The following ADNP variants were observed in gnomAD, a reference collection of about 807,000 sequenced individuals.
The protein encoded by ADNP is activity-dependent neuroprotector homeobox protein.
ADNP carries 4 observed loss-of-function variants against 84.9 expected under a neutral mutation model. That is an observed-to-expected ratio of 0.05 (90% CI 0.02 to 0.11). The LOEUF (loss-of-function observed/expected upper bound fraction) is 0.11. ADNP is among the 10% of genes least tolerant of loss of function. The pLI, the probability that ADNP is intolerant of heterozygous loss-of-function variation, is 1.00. For synonymous variants in ADNP, 554 were observed against 468.1 expected, an observed-to-expected ratio of 1.18 and a Z score of -2.37; for missense variants, 1,132 against 1,326.0, an observed-to-expected ratio of 0.85 and a Z score of 2.27.
chr20:50,892,951 G>T lies in ADNP; in HGVS notation c.1763C>A (p.Pro588Gln). The T allele has an allele frequency of 6.2e-7, 1 of 1,614,222 alleles. No homozygotes were observed. Among genetic ancestry groups the T allele is most frequent in the East Asian group, 2.2e-5 (1 of 44,884 alleles). ...SVAYHAQNNP[P>Q]VPPKPQPKVQ... ...CTTTGGCTGTGGCTTTGGAGGAACT[G>T]GAGGATTATTTTGGGCATGGTAAGC... Residue 588 changes from proline (P) to glutamine (Q), a missense_variant, in exon 6 of 6, where the codon CCA becomes CAA. Physicochemically the swap from Pro to Gln is moderately conservative, Grantham distance 76. Around this residue, in one of 10 missense-constraint regions of ADNP, gnomAD observed 53 missense variants for 39.8 expected, o/e 1.33. Coordinates refer to ENST00000621696, the MANE Select transcript of ADNP (RefSeq NM_001282531.3).
At position 50,904,791 on chromosome 20, in the gene ADNP, G is replaced by C. The variant is rs1982313036; in HGVS notation, c.-31C>G. 1 of 152,122 alleles carries C rather than the reference G, an allele frequency of 6.6e-6. No individual in the cohort carries two copies. Among genetic ancestry groups the C allele is most frequent in the African/African-American group, 2.4e-5 (1 of 41,422 alleles). The allele number at this position is 152,122 out of a possible 1,614,324, so 9.4% of individuals were successfully genotyped here. A position where few individuals can be genotyped will look rare whatever the true frequency, so the allele number is the denominator to read the frequency against. On this transcript the variant is annotated 5_prime_UTR_variant, in exon 3 of 6. Transcript: ENST00000621696. Reference sequence around the variant, plus strand: ...CAGTTCATCATCATTACAGTTTTGAGTGCCAGGGTAAAGAGGTTTTTGTTG... The same window carrying C: ...CAGTTCATCATCATTACAGTTTTGACTGCCAGGGTAAAGAGGTTTTTGTTG...
In ADNP at chr20:50,891,461, C is replaced by G; in HGVS notation, c.3253G>C (p.Ala1085Pro). The change falls in exon 6 of 6, where the codon GCT (alanine) becomes CCT (proline). Residue 1085 changes from alanine (A) to proline (P), a missense_variant. Physicochemically the swap from Ala to Pro is conservative, Grantham distance 27. Coordinates refer to ENST00000621696, the MANE Select transcript of ADNP (RefSeq NM_001282531.3). The part of the protein sequence containing the change: ...EQFDNMTDGV[A>P]EPMHGSLAGV... The stretch of plus-strand genomic sequence containing the variant: ...GCTAAGCTGCCATGCATGGGCTCAG[C>G]TACTCCATCAGTCATGTTGTCAAAC... 6.2e-7 allele frequency: 1 copy of G among 1,612,736 alleles called. No homozygotes were observed. The highest frequency in any genetic ancestry group is 8.5e-7 in the Non-Finnish European group (1 of 1,179,934).
At chr20:50,894,837 G>C (rs943389520) in intron 5 of ADNP, among the ~76,000 whole-genome samples, 1 of 152,140 alleles carries the variant, frequency 6.6e-6, no homozygotes, top group African/African-American at 2.4e-5. Flanking sequence ...GGTGGAGGTT[G>C]CAACGAGCCG....
intron 2 of ADNP, among the ~76,000 whole-genome samples, chr20:50,908,427 C>G (rs761112451): frequency 6.6e-6 from 1 of 152,214 alleles, no homozygotes; most frequent in African/African-American, 2.4e-5. Context: ...TTTGCAGCTA[C>G]TGCTTGCTGT....
chr20:50,922,486 G>A (rs577712167), intron 2 of ADNP, among the ~76,000 whole-genome samples: 12 of 150,892 alleles, frequency 8.0e-5, no homozygotes, highest in South Asian at 2.1e-4. Flanking sequence ...AAAGAAATGC[G>A]TAAGGGCACT....
At chr20:50,909,755 G>C (rs996979199) in intron 2 of ADNP, 1 of 152,252 alleles carries the variant, frequency 6.6e-6, no homozygotes, top group African/African-American at 2.4e-5. Flanking sequence ...CAGCAGAGCA[G>C]AGTACACATG....
intron 2 of ADNP, among the ~76,000 whole-genome samples, chr20:50,920,587 T>A (rs1983893621): frequency 6.9e-6 from 1 of 144,870 alleles, no homozygotes; most frequent in Admixed American, 6.8e-5. Flanking sequence ...GGAAGTCAAT[T>A]AAGTAAAAGA....
At chr20:50,904,259 TG>T (rs1982267821) in intron 3 of ADNP, 6 of 418,794 alleles carry the variant, frequency 1.4e-5, no homozygotes, top group South Asian at 1.1e-4. Flanking sequence ...AGTGCACTCA[TG>T]GTTCATTGAC....
Position 50,892,427 on chromosome 20 carries a change from A to C in ADNP, c.2287T>G (p.Ser763Ala). ...ALDPKGHEDD[S>A]YEARKSFLTK... ...AGAAAGCTTTTCCTGGCTTCATAGG[A>C]ATCATCTTCATGACCCTTGGGGTCT... Residue 763 changes from serine to alanine, a missense_variant, in exon 6 of 6, where the codon TCC (serine) becomes GCC (alanine). Coordinates refer to ENST00000621696, the MANE Select transcript of ADNP (RefSeq NM_001282531.3). The C allele has an allele frequency of 1.2e-6, 2 of 1,614,170 alleles. No homozygotes were observed. Among genetic ancestry groups the C allele is most frequent in the Non-Finnish European group, 8.5e-7 (1 of 1,180,038 alleles).
At position 50,892,425 on chromosome 20, in the gene ADNP, G is replaced by T. The variant is rs764947581; in HGVS notation, c.2289C>A (p.Ser763=). 2 of 1,614,168 alleles carry T rather than the reference G, an allele frequency of 1.2e-6. No individual in the cohort carries two copies. The highest frequency in any genetic ancestry group is 3.3e-5 in the Admixed American group (2 of 60,022). The change falls in exon 6 of 6, where the codon TCC becomes TCA. Residue 763 remains serine (S), a synonymous_variant. Coordinates refer to ENST00000621696, the MANE Select transcript of ADNP (RefSeq NM_001282531.3). ...TTAGAAAGCTTTTCCTGGCTTCATA[G>T]GAATCATCTTCATGACCCTTGGGGT... is the stretch of plus-strand genomic sequence containing the variant. ...ALDPKGHEDD[S]YEARKSFLTK...
At position 50,893,149 on chromosome 20, in the gene ADNP, T is replaced by C; in HGVS notation, c.1565A>G (p.Asn522Ser). 3.7e-6 allele frequency: 6 copies of C among 1,614,246 alleles called. No individual in the cohort carries two copies. Among genetic ancestry groups the C allele is most frequent in the East Asian group, 2.2e-5 (1 of 44,892 alleles). The change falls in exon 6 of 6, where the codon AAT becomes AGT. Residue 522 changes from asparagine (N) to serine (S), a missense_variant. Asn to Ser is a conservative substitution (Grantham distance 46, BLOSUM62 1). Coordinates refer to ENST00000621696, the MANE Select transcript of ADNP (RefSeq NM_001282531.3). This position sits in a 1 kb window ranked among gnomAD's most constrained non-coding sequence, Gnocchi z 4.4. ...LSCPYCRSTF[N>S]DVEKMAAHMR... ...GTGTGCGGCCATCTTTTCCACATCA[T>C]TGAAAGTTGAACGGCAATATGGACA...
At position 50,893,706 on chromosome 20, in the gene ADNP, A is replaced by G; in HGVS notation, c.1008T>C (p.Ser336=). Residue 336 remains serine (S), a synonymous_variant, in exon 6 of 6, where the codon TCT becomes TCC. Coordinates refer to ENST00000621696, the MANE Select transcript of ADNP (RefSeq NM_001282531.3). This position sits in a 1 kb window ranked among gnomAD's most constrained non-coding sequence, Gnocchi z 4.4. ...HLQQNNYGVK[S]VGQGYSVGQS... ...GACCAACACTGTAACCCTGGCCTAC[A>G]GATTTGACTCCATAGTTGTTCTGCT... is the stretch of plus-strand genomic sequence containing the variant. 6.2e-6 allele frequency: 10 copies of G among 1,614,166 alleles called. No individual in the cohort carries two copies. The highest frequency in any genetic ancestry group is 8.5e-6 in the Non-Finnish European group (10 of 1,180,044).
At chr20:50,913,250 CAAAAAAAAAAAAAAAAAAAAAAAAA>C (rs56911332) in intron 2 of ADNP, among the ~76,000 whole-genome samples, 1,924 of 42,974 alleles carry the variant, frequency 0.045, 85 homozygotes, top group African/African-American at 0.14. Context: ...GACTCTGTCT[CAAAAAAAAAAAAAAAAAAAAAAAAA>C]AAAAAAAAAA....
chr20:50,890,033 C>A lies in ADNP; in HGVS notation c.*1372G>T. The stretch of plus-strand genomic sequence containing the variant: ...GCAAATTAATGCCAATCCATGTTTA[C>A]ATTTTTTTTTTTATCATTGAGACAT... On this transcript the variant is annotated 3_prime_UTR_variant, in exon 6 of 6. Transcript: ENST00000621696. The A allele has an allele frequency of 1.1e-5, 3 of 268,692 alleles. No homozygotes were observed. The highest frequency in any genetic ancestry group is 4.9e-5 in the East Asian group (1 of 20,412). 16.6% of individuals were successfully genotyped at this position (268,692 alleles called of 1,614,324 possible).
chr20:50,898,616 C>T (rs1265779449), intron 5 of ADNP, among the ~76,000 whole-genome samples: 2 of 152,240 alleles, frequency 1.3e-5, no homozygotes, highest in Non-Finnish European at 2.9e-5. Flanking sequence ...TGATTCTCCA[C>T]CTTCGTAGTC....
Position 50,890,120 on chromosome 20 carries a change from TG to T in ADNP, c.*1284del. ...GTGAACTGAAAAACTCAAGGGTGTTTGTTTTTCAGTTAAAAAAAAAAAAAAA... is the reference window on the plus strand; with the variant it reads ...GTGAACTGAAAAACTCAAGGGTGTTTTTTTTCAGTTAAAAAAAAAAAAAAA... On this transcript the variant is annotated 3_prime_UTR_variant, in exon 6 of 6. Coordinates refer to ENST00000621696, the MANE Select transcript of ADNP (RefSeq NM_001282531.3). 1 of 270,612 alleles carries T rather than the reference TG, an allele frequency of 3.7e-6. No homozygotes were observed. The highest frequency in any genetic ancestry group is 6.6e-6 in the Non-Finnish European group (1 of 150,978). 16.8% of individuals were successfully genotyped at this position (270,612 alleles called of 1,614,324 possible). A position where few individuals can be genotyped will look rare whatever the true frequency, so the allele number is the denominator to read the frequency against.
intron 2 of ADNP, among the ~76,000 whole-genome samples, chr20:50,912,985 C>T (rs909252897): frequency 2.6e-5 from 4 of 152,032 alleles, no homozygotes; most frequent in African/African-American, 9.7e-5. Flanking sequence ...GGCGCCATGG[C>T]TCATGTCTGT....
chr20:50,893,402 C>G lies in ADNP; in HGVS notation c.1312G>C (p.Gly438Arg). 1 of 1,614,072 alleles carries G rather than the reference C, an allele frequency of 6.2e-7. No homozygotes were observed. The highest frequency in any genetic ancestry group is 8.5e-7 in the Non-Finnish European group (1 of 1,180,010). Residue 438 changes from glycine to arginine, a missense_variant, in exon 6 of 6, where the codon GGT (glycine) becomes CGT (arginine). Around this residue, in one of 10 missense-constraint regions of ADNP, gnomAD observed 239 missense variants for 213.2 expected, o/e 1.12. Coordinates refer to ENST00000621696, the MANE Select transcript of ADNP (RefSeq NM_001282531.3). This position sits in a 1 kb window ranked among gnomAD's most constrained non-coding sequence, Gnocchi z 4.4. ...CACTTTTGAGTTGAGGAAGTGTTAC[C>G]TGGGGGAGGGCCTGTGGCAGCTGCA... ...PAAAATGPPPGNTSSTQKWKI... is the reference protein window; with the variant it reads ...PAAAATGPPPRNTSSTQKWKI...
chr20:50,908,898 G>A (rs539000512), intron 2 of ADNP, among the ~76,000 whole-genome samples: 32 of 152,100 alleles, frequency 2.1e-4, no homozygotes, highest in African/African-American at 7.5e-4. Flanking sequence ...TGAAATTCAA[G>A]GCCCTTTCCT....
Sources: gnomAD v4.1 joint callset for allele counts (sites outside exome capture counted in the v4.1 genomes callset) on GRCh38, gnomAD v4.1.1 for gene constraint, gnomAD v4.1.1 regional missense constraint, Gnocchi (gnomAD v3.1) non-coding constraint, MANE v1.5 for transcripts, NCBI Gene and HGNC (gene_info 2026-07-23, HGNC 2026-07-21) for gene names.